Variants in FPGS observed in about 807,000 individuals in gnomAD.
FPGS encodes folylpolyglutamate synthase.
A neutral mutation model predicts 66.5 loss-of-function variants in FPGS; 53 were observed. That is an observed-to-expected ratio of 0.80 (90% CI 0.64 to 1.00). FPGS has a LOEUF of 1.00. Among genes scored for constraint, FPGS ranks in the 50% least tolerant of loss-of-function variants. The pLI is 0.00. For missense variants in FPGS, 702 were observed against 807.7 expected, an observed-to-expected ratio of 0.87 and a Z score of 1.59; for synonymous variants, 348 against 350.9, an observed-to-expected ratio of 0.99 and a Z score of 0.09.
chr9:127,808,471 G>C lies in FPGS; in HGVS notation c.823-87G>C. Reference sequence around the variant, plus strand: ...AACACATCTCAGTTCTGGGAGCAGGGCTTGGTGGCTGGGGGAGGGGAGAGA... The same window carrying C: ...AACACATCTCAGTTCTGGGAGCAGGCCTTGGTGGCTGGGGGAGGGGAGAGA... On this transcript the variant is annotated intron_variant, in intron 9 of 14. Transcript: ENST00000373247. 5.1e-6 allele frequency: 8 copies of C among 1,571,886 alleles called. No individual in the cohort carries two copies. In the South Asian group the frequency reaches 7.9e-5, roughly 16 times the overall value.
rs761754282 is a variant in FPGS at position 127,807,607 on chromosome 9, C to G, written c.663C>G (p.Val221=). 3 of 1,612,820 alleles carry G rather than the reference C, an allele frequency of 1.9e-6. No individual in the cohort carries two copies. The South Asian group carries it at 3.3e-5, about 18-fold the overall frequency. ...GCAGGAAGCCTGTGGTGTGCGGAGT[C>G]TCCTCTCTTGGCATCGACCACACCA... ...NIIRKPVVCG[V]SSLGIDHTSL... is the part of the protein sequence containing the mutation. Residue 221 remains valine (V), a synonymous_variant, in exon 8 of 15, where the codon GTC becomes GTG. Coordinates refer to ENST00000373247, the MANE Select transcript of FPGS (RefSeq NM_004957.6). The surrounding 1 kb of genome is among the most constrained non-coding windows in gnomAD (Gnocchi z 5.8).
chr9:127,803,145 C>A, intron 1 of FPGS, 83 bp downstream of exon 1: 1 of 1,263,652 alleles, frequency 7.9e-7, no homozygotes, highest in Non-Finnish European at 9.9e-7. Context: ...CCGGGCTCCG[C>A]TAGCCGAGAG....
chr9:127,811,327 A>G (rs943666864), intron 14 of FPGS, among the ~76,000 whole-genome samples: 2 of 151,894 alleles, frequency 1.3e-5, no homozygotes, highest in African/African-American at 4.8e-5. Flanking sequence ...AAAAAAATAC[A>G]AAAAATTAGC....
intron 2 of FPGS, 23 bp downstream of exon 2, chr9:127,804,436 C>T: frequency 6.2e-7 from 1 of 1,613,958 alleles, no homozygotes. Flanking sequence ...GGGCCTGTGA[C>T]CACCTCCCAC....
chr9:127,807,921 T>C lies in FPGS; in HGVS notation c.744+233T>C. On this transcript the variant is annotated intron_variant, in intron 8 of 14. Transcript: ENST00000373247. The surrounding 1 kb of genome is among the most constrained non-coding windows in gnomAD (Gnocchi z 5.8). ...CGGAGTTTGAGACCAGCCTGACCAATATGGGGAAACTCTGTCTCTACTAAA... is the reference window on the plus strand; with the variant it reads ...CGGAGTTTGAGACCAGCCTGACCAACATGGGGAAACTCTGTCTCTACTAAA... The C allele has an allele frequency of 1.8e-6, 1 of 564,310 alleles. No individual in the cohort carries two copies. 35.0% of individuals were successfully genotyped at this position (564,310 alleles called of 1,614,324 possible).
At chr9:127,804,615 G>A in intron 3 of FPGS, 21 bp from the exon 4 acceptor site, 1 of 1,614,128 alleles carries the variant, frequency 6.2e-7, no homozygotes, top group Non-Finnish European at 8.5e-7. Flanking sequence ...AGCCTGCCCA[G>A]ACAATCCCTT....
At position 127,802,912 on chromosome 9, in the gene FPGS, G is replaced by C. The variant is rs890049327; in HGVS notation, c.-13G>C. 8 of 1,358,450 alleles carry C rather than the reference G, an allele frequency of 5.9e-6. No homozygotes were observed. The South Asian group carries it at 8.6e-5, about 15-fold the overall frequency. The allele number at this position is 1,358,450 out of a possible 1,614,324, so 84.1% of individuals were successfully genotyped here. On this transcript the variant is annotated 5_prime_UTR_variant, in exon 1 of 15. Coordinates refer to ENST00000373247, the MANE Select transcript of FPGS (RefSeq NM_004957.6). The stretch of plus-strand genomic sequence containing the variant: ...CCGCCCGGGCCTAGAGCGCTGCCGG[G>C]GGCGCCGGGACTATGTCGCGGGCGC...
In FPGS at chr9:127,807,708, GA is replaced by G; in HGVS notation, c.744+22del. On this transcript the variant is annotated intron_variant, in intron 8 of 14. Coordinates refer to ENST00000373247, the MANE Select transcript of FPGS (RefSeq NM_004957.6). The surrounding 1 kb of genome is among the most constrained non-coding windows in gnomAD (Gnocchi z 5.8). ...TTTAAGGTGACCAGGCAGACTGGGGGAAGGGAGAGACATGGAAGGCCTGGGA... is the reference window on the plus strand; with the variant it reads ...TTTAAGGTGACCAGGCAGACTGGGGGAGGGAGAGACATGGAAGGCCTGGGA... 1 of 1,506,486 alleles carries G rather than the reference GA, an allele frequency of 6.6e-7. No individual in the cohort carries two copies. The highest frequency in any genetic ancestry group is 9.0e-7 in the Non-Finnish European group (1 of 1,107,570). 93.3% of individuals were successfully genotyped at this position (1,506,486 alleles called of 1,614,324 possible).
At chr9:127,809,323 C>G (rs1020064574) in intron 11 of FPGS, among the ~76,000 whole-genome samples, 1 of 152,222 alleles carries the variant, frequency 6.6e-6, no homozygotes, top group African/African-American at 2.4e-5. Flanking sequence ...GGTGCTCATG[C>G]TGTTAAGCCC....
rs980082112 is a variant in FPGS at position 127,807,943 on chromosome 9, T to C, written c.744+255T>C. On this transcript the variant is annotated intron_variant, in intron 8 of 14. Transcript: ENST00000373247. The surrounding 1 kb of genome is among the most constrained non-coding windows in gnomAD (Gnocchi z 5.8). ...CAATATGGGGAAACTCTGTCTCTACTAAAAATACAAAAATTAGCCAGGTGT... is the reference window on the plus strand; with the variant it reads ...CAATATGGGGAAACTCTGTCTCTACCAAAAATACAAAAATTAGCCAGGTGT... 1.8e-6 allele frequency: 1 copy of C among 564,462 alleles called. No individual in the cohort carries two copies. Among genetic ancestry groups the C allele is most frequent in the Admixed American group, 3.3e-5 (1 of 30,702 alleles). The allele number at this position is 564,462 out of a possible 1,614,324, so 35.0% of individuals were successfully genotyped here.
In FPGS at chr9:127,812,293, G is replaced by T. The variant is rs1473194094; in HGVS notation, c.1355-902G>T. On this transcript the variant is annotated intron_variant, in intron 14 of 14. Transcript: ENST00000373247. ...TAAAAAATCTCCAGTCCTCACATCAGTCTGGTTGGGGAGAGTTCTGGAATC... is the reference window on the plus strand; with the variant it reads ...TAAAAAATCTCCAGTCCTCACATCATTCTGGTTGGGGAGAGTTCTGGAATC... Among the ~76,000 whole-genome samples the T allele has an allele frequency of 2.0e-5, 3 of 151,044 alleles. No individual in the cohort carries two copies. In the East Asian group the frequency reaches 5.8e-4, roughly 29 times the overall value.
In FPGS at chr9:127,813,917, G is replaced by A. The variant is rs938298439; in HGVS notation, c.*313G>A. ...TCAGGCCCAGCTTATTGTGTGCGCTGCCTGGCCAGGCCCTGGGTCTTGCCA... is the reference window on the plus strand; with the variant it reads ...TCAGGCCCAGCTTATTGTGTGCGCTACCTGGCCAGGCCCTGGGTCTTGCCA... On this transcript the variant is annotated 3_prime_UTR_variant, in exon 15 of 15. Transcript: ENST00000373247. The A allele has an allele frequency of 7.0e-6, 8 of 1,145,852 alleles. No individual in the cohort carries two copies. The highest frequency in any genetic ancestry group is 8.4e-5 in the South Asian group (2 of 23,908). 71.0% of individuals were successfully genotyped at this position (1,145,852 alleles called of 1,614,324 possible).
rs529852737 is a variant in FPGS at position 127,807,720 on chromosome 9, A to G, written c.744+32A>G. 2.4e-5 allele frequency: 34 copies of G among 1,420,670 alleles called. No individual in the cohort carries two copies. In the East Asian group the frequency reaches 7.4e-4, roughly 31 times the overall value. 88.0% of individuals were successfully genotyped at this position (1,420,670 alleles called of 1,614,324 possible). On this transcript the variant is annotated intron_variant, in intron 8 of 14. Coordinates refer to ENST00000373247, the MANE Select transcript of FPGS (RefSeq NM_004957.6). This position sits in a 1 kb window ranked among gnomAD's most constrained non-coding sequence, Gnocchi z 5.8. ...AGGCAGACTGGGGGAAGGGAGAGAC[A>G]TGGAAGGCCTGGGAGTCTACGTTTT...
intron 1 of FPGS, 76 bp from the exon 2 acceptor site, chr9:127,804,209 C>G (rs1331553299): frequency 6.4e-7 from 1 of 1,563,408 alleles, no homozygotes; most frequent in African/African-American, 1.3e-5. Flanking sequence ...GGCTTGGCCA[C>G]TGGTCTGCTG....
intron 4 of FPGS, among the ~76,000 whole-genome samples, chr9:127,805,540 G>A (rs1261962461): frequency 1.3e-5 from 2 of 152,082 alleles, no homozygotes; most frequent in African/African-American, 4.8e-5. Context: ...AAGGTGGGAG[G>A]ATCACTGGAG....
intron 14 of FPGS, among the ~76,000 whole-genome samples, chr9:127,812,940 G>A (rs1471526860): frequency 6.6e-6 from 1 of 152,174 alleles, no homozygotes; most frequent in Non-Finnish European, 1.5e-5. Flanking sequence ...GTGGGGAAGG[G>A]GTGCCTAGTG....
In FPGS at chr9:127,804,102, A is replaced by G. The variant is rs557780021; in HGVS notation, c.139-183A>G. 9.8e-5 allele frequency among the ~76,000 whole-genome samples: 15 copies of G among 152,318 alleles called. No individual in the cohort carries two copies. The East Asian group carries it at 2.9e-3, about 29-fold the overall frequency. ...ACTGCCCCAGACTCCCATTTTTGCC[A>G]GAGCTGGAAAGATGCCATACTCTCT... On this transcript the variant is annotated intron_variant, in intron 1 of 14. Coordinates refer to ENST00000373247, the MANE Select transcript of FPGS (RefSeq NM_004957.6).
In FPGS at chr9:127,813,210, C is replaced by T. The variant is rs1253503137; in HGVS notation, c.1370C>T (p.Thr457Ile). The T allele has an allele frequency of 9.5e-6, 15 of 1,585,444 alleles. No homozygotes were observed. The highest frequency in any genetic ancestry group is 1.1e-5 in the Non-Finnish European group (13 of 1,162,842). The change falls in exon 15 of 15, where the codon ACA becomes ATA. Residue 457 changes from threonine to isoleucine, a missense_variant. Physicochemically the swap from Thr to Ile is moderately conservative, Grantham distance 89 (BLOSUM62 -1). Transcript: ENST00000373247. ...TGCCCCACAGACCAACAGAACTTCA[C>T]AGTGACACTGGACCAGGTCCTGCTC... ...STGNADQQNFTVTLDQVLLRC... is the reference protein window; with the variant it reads ...STGNADQQNFIVTLDQVLLRC...
intron 11 of FPGS, among the ~76,000 whole-genome samples, chr9:127,809,242 C>T (rs868300847): frequency 6.6e-6 from 1 of 152,248 alleles, no homozygotes; most frequent in South Asian, 2.1e-4. Flanking sequence ...CATCATCAGA[C>T]CCTGAGGTTC....
Sources: gnomAD v4.1 joint callset for allele counts (sites outside exome capture counted in the v4.1 genomes callset) on GRCh38, gnomAD v4.1.1 for gene constraint, Gnocchi (gnomAD v3.1) non-coding constraint, MANE v1.5 for transcripts, NCBI Gene and HGNC (gene_info 2026-07-23, HGNC 2026-07-21) for gene names.